JAZF1: variants seen among roughly 807,000 people sequenced by gnomAD.
The protein encoded by JAZF1 is juxtaposed with another zinc finger protein 1.
In JAZF1, 8 loss-of-function variants were observed where a neutral mutation model predicts 26.4. The observed-to-expected ratio is 0.30, with a 90% CI of 0.18 to 0.55. JAZF1 has a LOEUF of 0.55. Among genes scored for constraint, JAZF1 ranks in the 20% least tolerant of loss-of-function variants. JAZF1 has a pLI of 0.94. For synonymous variants in JAZF1, 126 were observed against 122.3 expected (o/e 1.03, Z -0.20); for missense variants, 199 against 322.0 (o/e 0.62, Z 2.92).
At chr7:28,048,741 G>A (rs1341297518) in intron 1 of JAZF1, among the ~76,000 whole-genome samples, 1 of 152,122 alleles carries the variant, frequency 6.6e-6, no homozygotes, top group Admixed American at 6.6e-5. Context: ...TAGCCAAAAG[G>A]TAGAATCATC....
At chr7:28,084,507 A>G (rs1351136520) in intron 1 of JAZF1, among the ~76,000 whole-genome samples, 2 of 152,210 alleles carry the variant, frequency 1.3e-5, no homozygotes, top group Non-Finnish European at 2.9e-5. Flanking sequence ...AAGAGAGTTA[A>G]TCCTGGCTTC....
intron 2 of JAZF1, among the ~76,000 whole-genome samples, chr7:27,958,036 T>C (rs896214282): frequency 1.3e-5 from 2 of 152,098 alleles, no homozygotes; most frequent in Admixed American, 1.3e-4. Flanking sequence ...AACTGGAAAT[T>C]ATTATTATTT....
intron 2 of JAZF1, among the ~76,000 whole-genome samples, chr7:27,939,436 C>T (rs577846587): frequency 6.6e-6 from 1 of 152,334 alleles, no homozygotes; most frequent in Admixed American, 6.5e-5. Flanking sequence ...TTCCCAGGTC[C>T]TGCCATACCC....
At chr7:27,944,639 G>A (rs893085904) in intron 2 of JAZF1, among the ~76,000 whole-genome samples, 1 of 152,220 alleles carries the variant, frequency 6.6e-6, no homozygotes, top group African/African-American at 2.4e-5. Context: ...ACATATGGAT[G>A]TGAGATTTCA....
chr7:28,173,845 T>C (rs1266404656), intron 1 of JAZF1, among the ~76,000 whole-genome samples: 1 of 122,544 alleles, frequency 8.2e-6, no homozygotes, highest in East Asian at 2.2e-4. Context: ...TTAAAGAGGA[T>C]ATCCACTAAT....
intron 2 of JAZF1, among the ~76,000 whole-genome samples, chr7:27,972,470 C>T (rs941976667): frequency 2.0e-5 from 3 of 152,094 alleles, no homozygotes; most frequent in African/African-American, 7.2e-5. Context: ...TGAGGGGATG[C>T]CTGGTCGCAG....
chr7:28,082,515 T>A (rs1017681531), intron 1 of JAZF1, among the ~76,000 whole-genome samples: 5 of 152,182 alleles, frequency 3.3e-5, no homozygotes, highest in Non-Finnish European at 7.3e-5. Flanking sequence ...AGTTAATATC[T>A]GTATGCTGAT....
At chr7:28,028,288 CAGAGTTTA>C in intron 1 of JAZF1, among the ~76,000 whole-genome samples, 1 of 152,226 alleles carries the variant, frequency 6.6e-6, no homozygotes, top group African/African-American at 2.4e-5. Flanking sequence ...TCATTAAAAC[CAGAGTTTA>C]AGGGGGAGGA....
At chr7:27,936,519 T>G (rs950519509) in intron 2 of JAZF1, among the ~76,000 whole-genome samples, 2 of 152,224 alleles carry the variant, frequency 1.3e-5, no homozygotes, top group Admixed American at 6.5e-5. Flanking sequence ...AATAATCTTT[T>G]ATTTTTTATT....
Position 28,180,540 on chromosome 7 carries a change from G to C in JAZF1, c.38C>G (p.Thr13Ser), listed in dbSNP as rs769820702. The change falls in exon 1 of 5, where the codon ACC (threonine) becomes AGC (serine). Residue 13 changes from threonine (T) to serine (S), a missense_variant. Transcript: ENST00000283928. ...GIAAASFFSN[T>S]CRFGGCGLHF... ...GAGTCCGCAGCCCCCGAATCGGCAGGTATTGGAGAAGAAGGAGGCGGCGGC... is the reference window on the plus strand; with the variant it reads ...GAGTCCGCAGCCCCCGAATCGGCAGCTATTGGAGAAGAAGGAGGCGGCGGC... 6.2e-7 allele frequency: 1 copy of C among 1,610,452 alleles called. No homozygotes were observed. Among genetic ancestry groups the C allele is most frequent in the Non-Finnish European group, 8.5e-7 (1 of 1,178,682 alleles).
rs187951668 is a variant in JAZF1 at position 27,938,004 on chromosome 7, T to C, written c.189-42588A>G. On this transcript the variant is annotated intron_variant, in intron 2 of 4. Coordinates refer to ENST00000283928, the MANE Select transcript of JAZF1 (RefSeq NM_175061.4). ...GGACATCTTTTCAGGTCAGTACATA[T>C]AGATCTACCTCATGGTTTTAAACAG... Among the ~76,000 whole-genome samples the C allele has an allele frequency of 1.8e-3, 280 of 152,358 alleles. 3 individuals carry two copies. The highest frequency in any genetic ancestry group is 6.4e-3 in the African/African-American group (266 of 41,586).
At chr7:27,997,650 C>T (rs1348008185) in intron 1 of JAZF1, among the ~76,000 whole-genome samples, 2 of 152,132 alleles carry the variant, frequency 1.3e-5, no homozygotes, top group African/African-American at 2.4e-5. Flanking sequence ...CTCACTGCAG[C>T]CTCAAACTCT....
At chr7:28,033,197 G>C (rs1176454365) in intron 1 of JAZF1, among the ~76,000 whole-genome samples, 1 of 152,118 alleles carries the variant, frequency 6.6e-6, no homozygotes, top group African/African-American at 2.4e-5. Context: ...AAAATAAGGA[G>C]ACTGCACGGC....
In JAZF1 at chr7:27,833,119, C is replaced by T. The variant is rs568591965; in HGVS notation, c.556-143G>A. On this transcript the variant is annotated intron_variant, in intron 4 of 4. Coordinates refer to ENST00000283928, the MANE Select transcript of JAZF1 (RefSeq NM_175061.4). ...TTTTGCAAGGACTCCAGTTGGGACC[C>T]TTCAAGGACATTCTGGTGTGTCGGT... The T allele has an allele frequency of 7.3e-6, 4 of 544,706 alleles. No individual in the cohort carries two copies. The South Asian group carries it at 1.2e-4, about 16-fold the overall frequency. The allele number at this position is 544,706 out of a possible 1,614,324, so 33.7% of individuals were successfully genotyped here. A position where few individuals can be genotyped will look rare whatever the true frequency, so the allele number is the denominator to read the frequency against.
intron 1 of JAZF1, among the ~76,000 whole-genome samples, chr7:28,170,574 C>T (rs1450888546): frequency 6.6e-6 from 1 of 152,128 alleles, no homozygotes; most frequent in Non-Finnish European, 1.5e-5. Context: ...TGATGGGATG[C>T]TCATGCACCC....
chr7:28,065,418 C>A (rs141704561), intron 1 of JAZF1, among the ~76,000 whole-genome samples: 1 of 151,796 alleles, frequency 6.6e-6, no homozygotes, highest in Non-Finnish European at 1.5e-5. Flanking sequence ...GTGAGAGAAG[C>A]GGGGAGGCGC....
chr7:27,937,104 C>T (rs542982994), intron 2 of JAZF1, among the ~76,000 whole-genome samples: 3 of 152,262 alleles, frequency 2.0e-5, no homozygotes, highest in Admixed American at 1.3e-4. Context: ...ACTTCTATTG[C>T]TTGGTGTCAA....
chr7:28,127,397 T>G (rs888789016), intron 1 of JAZF1, among the ~76,000 whole-genome samples: 2 of 152,152 alleles, frequency 1.3e-5, no homozygotes, highest in South Asian at 4.1e-4. Context: ...TGGCCTAGCA[T>G]GGACCTGCAT....
chr7:28,104,284 T>C (rs1049440094), intron 1 of JAZF1, among the ~76,000 whole-genome samples: 2 of 152,214 alleles, frequency 1.3e-5, no homozygotes, highest in African/African-American at 4.8e-5. Context: ...AACATAACTT[T>C]TGTTTCACTC....
Sources: allele counts gnomAD v4.1 joint callset (sites outside exome capture counted in the v4.1 genomes callset), GRCh38; gene constraint gnomAD v4.1.1; transcripts MANE v1.5; gene names NCBI Gene and HGNC (gene_info 2026-07-23, HGNC 2026-07-21).